Variants in TEK observed in about 807,000 individuals in gnomAD.
The protein encoded by TEK is angiopoietin-1 receptor.
In TEK, 43 loss-of-function variants were observed where a neutral mutation model predicts 131.8. That is an observed-to-expected ratio of 0.33 (90% CI 0.26 to 0.42). The LOEUF is 0.42. TEK is among the 10% of genes least tolerant of loss of function. TEK has a pLI of 1.00. For missense variants in TEK, 1,162 were observed against 1,384.4 expected (o/e 0.84, Z 2.55); for synonymous variants, 580 against 491.6 (o/e 1.18, Z -2.38).
chr9:27,146,233 A>T (rs1828056894), intron 1 of TEK, among the ~76,000 whole-genome samples: 2 of 152,210 alleles, frequency 1.3e-5, no homozygotes, highest in Non-Finnish European at 2.9e-5. Context: ...ATATCTTTGC[A>T]TATTTTTACT....
chr9:27,202,550 A>AGTAAGTAC (rs1386479294), intron 12 of TEK, among the ~76,000 whole-genome samples: 1 of 152,226 alleles, frequency 6.6e-6, no homozygotes, highest in African/African-American at 2.4e-5. Flanking sequence ...CATCAAGAAT[A>AGTAAGTAC]GTAAGTACAG....
rs765579761 is a variant in TEK at position 27,183,455 on chromosome 9, T to G, written c.1031-4T>G. 3.1e-6 allele frequency: 5 copies of G among 1,613,684 alleles called. No homozygotes were observed. The Admixed American group carries it at 8.3e-5, about 27-fold the overall frequency. The stretch of plus-strand genomic sequence containing the variant: ...GATTTCACAGTGCTGTTTTCTTCCT[T>G]CAGGCATACAGAGGATGACCCCAAA... On this transcript the variant is annotated splice_polypyrimidine_tract_variant and splice_region_variant and intron_variant, in intron 7 of 22. Transcript: ENST00000380036.
At chr9:27,154,051 T>C (rs1564063787) in intron 1 of TEK, among the ~76,000 whole-genome samples, 1 of 152,190 alleles carries the variant, frequency 6.6e-6, no homozygotes, top group Non-Finnish European at 1.5e-5. Context: ...AATTTGAAAT[T>C]TGGAGTAGAT....
chr9:27,150,274 C>G (rs930257388), intron 1 of TEK, among the ~76,000 whole-genome samples: 1 of 152,196 alleles, frequency 6.6e-6, no homozygotes, highest in Admixed American at 6.5e-5. Flanking sequence ...CAATCACCAA[C>G]TGGTCTCTTT....
chr9:27,117,495 C>G (rs957811432), intron 1 of TEK, among the ~76,000 whole-genome samples: 1 of 152,100 alleles, frequency 6.6e-6, no homozygotes, highest in Admixed American at 6.5e-5. Context: ...CCCCCATTGT[C>G]CCCTTGTGTG....
chr9:27,156,696 T>C (rs1236771640), intron 1 of TEK, among the ~76,000 whole-genome samples: 2 of 152,200 alleles, frequency 1.3e-5, no homozygotes, highest in Non-Finnish European at 2.9e-5. Flanking sequence ...ATATTTAAAA[T>C]TGAGATAATG....
intron 14 of TEK, among the ~76,000 whole-genome samples, chr9:27,205,298 G>A (rs1255631293): frequency 6.6e-6 from 1 of 152,154 alleles, no homozygotes; most frequent in Non-Finnish European, 1.5e-5. Flanking sequence ...AGTAAATTAT[G>A]CAGGAAACTA....
At chr9:27,165,139 T>G (rs1444925406) in intron 2 of TEK, among the ~76,000 whole-genome samples, 2 of 152,000 alleles carry the variant, frequency 1.3e-5, no homozygotes, top group Admixed American at 6.6e-5. Context: ...AAAAGCACAG[T>G]CCTAAATAAT....
At chr9:27,180,134 C>A in intron 6 of TEK, 106 bp from the exon 7 acceptor site, 1 of 1,528,262 alleles carries the variant, frequency 6.5e-7, no homozygotes, top group Non-Finnish European at 9.0e-7. Flanking sequence ...TTACACAAAT[C>A]AGCAAAGTTG....
At chr9:27,181,290 TG>T (rs557945341) in intron 7 of TEK, among the ~76,000 whole-genome samples, 169 of 152,318 alleles carry the variant, frequency 1.1e-3, no homozygotes, top group African/African-American at 3.9e-3. Context: ...TTAATTTTTT[TG>T]GTATTTCTAG....
intron 21 of TEK, among the ~76,000 whole-genome samples, chr9:27,224,661 A>T (rs1374724240): frequency 1.3e-5 from 2 of 152,146 alleles, no homozygotes; most frequent in African/African-American, 4.8e-5. Flanking sequence ...CACTGAATGG[A>T]CAAAAGCTGG....
Position 27,229,310 on chromosome 9 carries a change from C to A in TEK, c.*78C>A. ...TGACACCTGCTGAGAAAACATGCCT[C>A]TGCCAAAGGATGTGATATATAAGTG... is the stretch of plus-strand genomic sequence containing the variant. On this transcript the variant is annotated 3_prime_UTR_variant, in exon 23 of 23. Coordinates refer to ENST00000380036, the MANE Select transcript of TEK (RefSeq NM_000459.5). 1 of 1,377,102 alleles carries A rather than the reference C, an allele frequency of 7.3e-7. No homozygotes were observed. The highest frequency in any genetic ancestry group is 1.0e-6 in the Non-Finnish European group (1 of 965,472). The allele number at this position is 1,377,102 out of a possible 1,614,324, so 85.3% of individuals were successfully genotyped here.
rs1409092139 is a variant in TEK at position 27,209,137 on chromosome 9, T to C, written c.2592T>C (p.Asp864=). The C allele has an allele frequency of 6.2e-7, 1 of 1,613,222 alleles. No individual in the cohort carries two copies. Among genetic ancestry groups the C allele is most frequent in the African/African-American group, 1.3e-5 (1 of 74,888 alleles). Residue 864 remains aspartate (D), a synonymous_variant, in exon 16 of 23, where the codon GAT becomes GAC. Transcript: ENST00000380036. ...TCTTCCCAGAATATGCCTCCAAAGA[T>C]GATCACAGGGACTTTGCAGGAGAAC... The part of the protein sequence containing the change: ...IKRMKEYASK[D]DHRDFAGELE...
intron 12 of TEK, among the ~76,000 whole-genome samples, chr9:27,199,396 C>T (rs376947234): frequency 7.2e-5 from 11 of 152,060 alleles, no homozygotes; most frequent in African/African-American, 2.7e-4. Flanking sequence ...GGAACAAGTC[C>T]GGTGGTGGAA....
At chr9:27,147,015 C>T (rs947444142) in intron 1 of TEK, among the ~76,000 whole-genome samples, 1 of 152,180 alleles carries the variant, frequency 6.6e-6, no homozygotes, top group Non-Finnish European at 1.5e-5. Context: ...AGGCGTGAGA[C>T]ACTGCGCCCG....
intron 1 of TEK, among the ~76,000 whole-genome samples, chr9:27,145,685 G>A (rs984144415): frequency 6.6e-6 from 1 of 152,146 alleles, no homozygotes; most frequent in Admixed American, 6.5e-5. Flanking sequence ...GGTTTAAGAT[G>A]TATTACTTTC....
chr9:27,115,027 G>A (rs1432029173), intron 1 of TEK, among the ~76,000 whole-genome samples: 2 of 152,092 alleles, frequency 1.3e-5, no homozygotes, highest in African/African-American at 2.4e-5. Flanking sequence ...TTTTCCCTTT[G>A]CTAAGCTCAC....
intron 6 of TEK, among the ~76,000 whole-genome samples, chr9:27,177,664 C>T (rs538771558): frequency 3.0e-4 from 45 of 152,192 alleles, no homozygotes; most frequent in Non-Finnish European, 5.3e-4. Flanking sequence ...GCAGGAGAAT[C>T]GCTTGAACCA....
chr9:27,184,778 C>T (rs951541072), intron 8 of TEK, among the ~76,000 whole-genome samples: 1 of 152,208 alleles, frequency 6.6e-6, no homozygotes, highest in South Asian at 2.1e-4. Flanking sequence ...TGACTCATGC[C>T]TGCAATCCCA....
Sources: gnomAD v4.1 joint callset for allele counts (sites outside exome capture counted in the v4.1 genomes callset) on GRCh38, gnomAD v4.1.1 for gene constraint, MANE v1.5 for transcripts, NCBI Gene and HGNC (gene_info 2026-07-23, HGNC 2026-07-21) for gene names.